The following CDKL1 variants were observed in gnomAD, a reference collection of about 807,000 sequenced individuals.
CDKL1 encodes the protein cyclin dependent kinase like 1.
A neutral mutation model predicts 42.0 loss-of-function variants in CDKL1; 41 were observed. That is an observed-to-expected ratio of 0.98 (90% CI 0.76 to 1.27). CDKL1 has a LOEUF of 1.27. CDKL1 is among the 50% of genes most tolerant of loss of function. The pLI is 0.00. For synonymous variants in CDKL1, 153 were observed against 158.6 expected (o/e 0.96, Z 0.26); for missense variants, 394 against 428.4 (o/e 0.92, Z 0.71).
intron 2 of CDKL1, among the ~76,000 whole-genome samples, chr14:50,392,212 A>C (rs2032007629): frequency 6.6e-6 from 1 of 152,178 alleles, no homozygotes; most frequent in Non-Finnish European, 1.5e-5. Flanking sequence ...TTGGGAGGCC[A>C]AGGTGGGCGG....
chr14:50,331,899 C>A, intron 9 of CDKL1: 1 of 855,452 alleles, frequency 1.2e-6, no homozygotes. Flanking sequence ...AGTTTTAATA[C>A]TAAAAGTGTA....
At position 50,389,147 on chromosome 14, in the gene CDKL1, C is replaced by A. The variant is rs1422215133; in HGVS notation, c.168+6554G>T. Among the ~76,000 whole-genome samples, 10 of 148,916 alleles carry A rather than the reference C, an allele frequency of 6.7e-5. No homozygotes were observed. In the East Asian group the frequency reaches 2.0e-3, roughly 29 times the overall value. On this transcript the variant is annotated intron_variant, in intron 2 of 9. Coordinates refer to ENST00000395834, the MANE Select transcript of CDKL1 (RefSeq NM_004196.7). Reference sequence around the variant, plus strand: ...AAGAGAGAGAAAAGAAAACTGAAGTCTCTAACTGTAGCTCCTGTCCCCATG... The same window carrying A: ...AAGAGAGAGAAAAGAAAACTGAAGTATCTAACTGTAGCTCCTGTCCCCATG...
chr14:50,346,544 T>C (rs2033729183), intron 3 of CDKL1, among the ~76,000 whole-genome samples: 1 of 152,018 alleles, frequency 6.6e-6, no homozygotes, highest in Non-Finnish European at 1.5e-5. Flanking sequence ...CACTGAACTT[T>C]GGACTCCTGG....
intron 2 of CDKL1, among the ~76,000 whole-genome samples, chr14:50,384,112 G>A (rs1326130684): frequency 6.6e-6 from 1 of 152,156 alleles, no homozygotes; most frequent in Non-Finnish European, 1.5e-5. Flanking sequence ...CTATCATTGT[G>A]GGCAAGGGAA....
At chr14:50,351,248 C>T (rs937507404) in intron 3 of CDKL1, among the ~76,000 whole-genome samples, 27 of 150,768 alleles carry the variant, frequency 1.8e-4, no homozygotes, top group African/African-American at 3.7e-4. Flanking sequence ...CAGAGAAATG[C>T]GGCAGGAATT....
Position 50,341,150 on chromosome 14 carries a change from G to A in CDKL1, c.537C>T (p.Tyr179=), listed in dbSNP as rs532944255. ...TTGCCCAAACATCCACCGGGGGGCC[G>A]TACTGCGTGTCCCCCACCAGCAGCT... ...SPELLVGDTQ[Y]GPPVDVWAIG... Residue 179 remains tyrosine, a synonymous_variant, in exon 6 of 10, where the codon TAC becomes TAT. Transcript: ENST00000395834. 1.7e-5 allele frequency: 27 copies of A among 1,614,050 alleles called. No individual in the cohort carries two copies. The highest frequency in any genetic ancestry group is 1.6e-4 in the Middle Eastern group (1 of 6,084).
intron 2 of CDKL1, among the ~76,000 whole-genome samples, chr14:50,366,442 C>T (rs2034438764): frequency 6.6e-6 from 1 of 152,164 alleles, no homozygotes. Flanking sequence ...GAATCAAGGC[C>T]AGCCAGTCAG....
intron 4 of CDKL1, chr14:50,342,658 A>G (rs1001624785): frequency 4.2e-6 from 1 of 236,774 alleles, no homozygotes. Flanking sequence ...TGAAAGGGAA[A>G]ATGTTGAAAG....
At chr14:50,356,576 G>T (rs753371635) in intron 3 of CDKL1, among the ~76,000 whole-genome samples, 9 of 152,160 alleles carry the variant, frequency 5.9e-5, no homozygotes, top group Non-Finnish European at 8.8e-5. Context: ...TCTAACGCAG[G>T]AACAGAAAAC....
chr14:50,328,916 A>G lies in CDKL1; in HGVS notation c.*1158T>C, dbSNP rs1302693756. On this transcript the variant is annotated 3_prime_UTR_variant, in exon 10 of 10. Transcript: ENST00000395834. ...CTGAGGTGGCAGGTTTTATATATAT[A>G]TATAAAAAACACATATATATATATG... The G allele has an allele frequency of 8.4e-6, 1 of 118,524 alleles. No individual in the cohort carries two copies. Among genetic ancestry groups the G allele is most frequent in the African/African-American group, 3.2e-5 (1 of 31,408 alleles). The allele number at this position is 118,524 out of a possible 1,614,324, so 7.3% of individuals were successfully genotyped here.
At chr14:50,389,097 C>CAAAAAAAAAA (rs57448948) in intron 2 of CDKL1, among the ~76,000 whole-genome samples, 1 of 90,486 alleles carries the variant, frequency 1.1e-5, no homozygotes, top group Non-Finnish European at 2.1e-5. Flanking sequence ...AGACTGTCTT[C>CAAAAAAAAAA]AAAAAAAAAA....
At chr14:50,392,779 C>T (rs2139555943) in intron 2 of CDKL1, among the ~76,000 whole-genome samples, 1 of 152,312 alleles carries the variant, frequency 6.6e-6, no homozygotes, top group Non-Finnish European at 1.5e-5. Flanking sequence ...ACAACTCAAA[C>T]TTAACCTGTC....
intron 2 of CDKL1, among the ~76,000 whole-genome samples, chr14:50,393,300 A>G (rs901271720): frequency 6.6e-6 from 1 of 152,226 alleles, no homozygotes; most frequent in African/African-American, 2.4e-5. Flanking sequence ...CCAAAGGGCA[A>G]TTCAACTTAC....
intron 2 of CDKL1, among the ~76,000 whole-genome samples, chr14:50,366,695 G>A (rs2034445268): frequency 6.6e-6 from 1 of 152,230 alleles, no homozygotes; most frequent in Admixed American, 6.5e-5. Flanking sequence ...GAGAAGCATT[G>A]TCTTGAGATG....
chr14:50,326,371 C>T lies in CDKL1; in HGVS notation c.*3703G>A. On this transcript the variant is annotated 3_prime_UTR_variant, in exon 10 of 10. Transcript: ENST00000395834. Reference sequence around the variant, plus strand: ...TGTACAACAGATGTTTTTATTATAACAGTAATTTACATTTAACTTTAAAGT... The same window carrying T: ...TGTACAACAGATGTTTTTATTATAATAGTAATTTACATTTAACTTTAAAGT... The T allele has an allele frequency of 2.2e-6, 2 of 890,266 alleles. No individual in the cohort carries two copies. The highest frequency in any genetic ancestry group is 2.7e-6 in the Non-Finnish European group (2 of 743,488). The allele number at this position is 890,266 out of a possible 1,614,324, so 55.1% of individuals were successfully genotyped here. A position where few individuals can be genotyped will look rare whatever the true frequency, so the allele number is the denominator to read the frequency against.
intron 2 of CDKL1, among the ~76,000 whole-genome samples, chr14:50,371,636 T>TG (rs1037383495): frequency 3.9e-5 from 6 of 152,150 alleles, no homozygotes; most frequent in African/African-American, 1.2e-4. Context: ...CTGGCTGCAG[T>TG]GGGGGAGGCG....
chr14:50,397,063 G>C (rs558463485), upstream of CDKL1: 1 of 1,329,416 alleles, frequency 7.5e-7, no homozygotes, highest in Non-Finnish European at 1.0e-6. Flanking sequence ...CTGACCGCGG[G>C]CCGAGTCCTG....
intron 2 of CDKL1, among the ~76,000 whole-genome samples, chr14:50,388,865 C>T (rs549824786): frequency 5.9e-5 from 9 of 151,886 alleles, no homozygotes; most frequent in South Asian, 2.1e-4. Flanking sequence ...TTAGGGAGGC[C>T]GAGGGAGGCG....
At chr14:50,377,981 G>C (rs529492660) in intron 2 of CDKL1, among the ~76,000 whole-genome samples, 2 of 152,192 alleles carry the variant, frequency 1.3e-5, no homozygotes, top group Admixed American at 1.3e-4. Flanking sequence ...AGCTACAAAG[G>C]GGACAATATC....
Sources: allele counts gnomAD v4.1 joint callset (sites outside exome capture counted in the v4.1 genomes callset), GRCh38; gene constraint gnomAD v4.1.1; transcripts MANE v1.5; gene names NCBI Gene and HGNC (gene_info 2026-07-23, HGNC 2026-07-21).